Variants in ALMS1 observed in about 807,000 individuals in gnomAD.
The protein encoded by ALMS1 is centrosome-associated protein ALMS1.
ALMS1 carries 271 observed loss-of-function variants against 352.2 expected under a neutral mutation model. The ratio of observed to expected loss-of-function variants is 0.77; its 90% CI spans 0.70 to 0.85. The LOEUF (loss-of-function observed/expected upper bound fraction) is 0.85, where lower values mean the gene tolerates loss of function less well. Ranked by LOEUF, ALMS1 falls within the 40% of genes least tolerant of loss-of-function variation. ALMS1 has a pLI of 0.00. For synonymous variants in ALMS1, 1,865 were observed against 1,761.2 expected (o/e 1.06, Z -1.48); for missense variants, 5,445 against 4,870.7 (o/e 1.12, Z -3.51).
intron 7 of ALMS1, among the ~76,000 whole-genome samples, chr2:73,441,712 G>A (rs1671722921): frequency 6.6e-6 from 1 of 152,110 alleles, no homozygotes; most frequent in African/African-American, 2.4e-5. Flanking sequence ...AACTAAGGAA[G>A]TCATTGCCAT....
chr2:73,394,979 C>CATATATATGTGTAT lies in ALMS1; in HGVS notation c.324+8808_324+8821dup, dbSNP rs202207463. On this transcript the variant is annotated intron_variant, in intron 1 of 22. Coordinates refer to ENST00000613296, the MANE Select transcript of ALMS1 (RefSeq NM_001378454.1). ...GGTATAGTAAAAATATGGTATTTTA[C>CATATATATGTGTAT]ATATATATGTGTATATATATATGTG... Among the ~76,000 whole-genome samples the CATATATATGTGTAT allele has an allele frequency of 5.1e-5, 6 of 117,510 alleles. No homozygotes were observed. In the East Asian group the frequency reaches 8.7e-4, roughly 17 times the overall value. The allele number at this position is 117,510 out of a possible 152,430, so 77.1% of individuals were successfully genotyped here. A position where few individuals can be genotyped will look rare whatever the true frequency, so the allele number is the denominator to read the frequency against.
intron 9 of ALMS1, chr2:73,459,080 T>C (rs892938360): frequency 2.6e-5 from 4 of 152,216 alleles, no homozygotes; most frequent in African/African-American, 9.6e-5. Flanking sequence ...TTTTTTTTAG[T>C]ATAGGGTGTT....
In ALMS1 at chr2:73,490,255, C is replaced by T; in HGVS notation, c.8296C>T (p.Gln2766Ter). Residue 2766 changes from glutamine to a stop codon, truncating the protein, a stop_gained, in exon 10 of 23, where the codon CAG becomes TAG. Coordinates refer to ENST00000613296, the MANE Select transcript of ALMS1 (RefSeq NM_001378454.1). LOFTEE classifies it high-confidence loss of function. ...EEQNPPRDLKQKTSSPSSFKM... is the reference protein window; with the variant it reads ...EEQNPPRDLK ...ACAAAATCCTCCCAGAGATCTTAAA[C>T]AGAAAACCTCTTCCCCTTCATCATT... 6.2e-7 allele frequency: 1 copy of T among 1,614,084 alleles called. No individual in the cohort carries two copies. The highest frequency in any genetic ancestry group is 1.3e-5 in the African/African-American group (1 of 75,034).
In ALMS1 at chr2:73,492,970, A is replaced by T. The variant is rs1397161875; in HGVS notation, c.9539+1472A>T. On this transcript the variant is annotated intron_variant, in intron 10 of 22. Transcript: ENST00000613296. The stretch of plus-strand genomic sequence containing the variant: ...CAAGGCTGGTCAGTATTGATACTTA[A>T]AAAAAAAAAAAAAAGTTTAGAAATT... 4.7e-5 allele frequency among the ~76,000 whole-genome samples: 3 copies of T among 63,292 alleles called. No individual in the cohort carries two copies. The African/African-American group carries it at 1.3e-3, about 27-fold the overall frequency. 41.5% of individuals were successfully genotyped at this position (63,292 alleles called of 152,430 possible).
At chr2:73,464,933 A>C (rs1363863310) in intron 9 of ALMS1, among the ~76,000 whole-genome samples, 1 of 152,236 alleles carries the variant, frequency 6.6e-6, no homozygotes, top group Non-Finnish European at 1.5e-5. Context: ...CCACTGCTCA[A>C]TGAAATAAAA....
At chr2:73,559,521 A>G (rs1167741819) in intron 15 of ALMS1, among the ~76,000 whole-genome samples, 1 of 152,174 alleles carries the variant, frequency 6.6e-6, no homozygotes, top group Admixed American at 6.5e-5. Context: ...TTAAAAAATT[A>G]CAATAAAATC....
In ALMS1 at chr2:73,609,677, A is replaced by G; in HGVS notation, c.*65A>G. The G allele has an allele frequency of 6.7e-7, 1 of 1,484,430 alleles. No individual in the cohort carries two copies. Among genetic ancestry groups the G allele is most frequent in the Non-Finnish European group, 9.4e-7 (1 of 1,062,170 alleles). The allele number at this position is 1,484,430 out of a possible 1,614,324, so 92.0% of individuals were successfully genotyped here. ...ATGAACCTAGAGAAGCAGAATCCTT[A>G]CTTTTGTGAGTCTGGTTGAATAAAG... On this transcript the variant is annotated 3_prime_UTR_variant, in exon 23 of 23. Transcript: ENST00000613296.
chr2:73,511,369 G>A (rs1239467102), intron 10 of ALMS1, among the ~76,000 whole-genome samples: 1 of 152,150 alleles, frequency 6.6e-6, no homozygotes, highest in East Asian at 1.9e-4. Context: ...TGTGGGAAAA[G>A]CCTAGTATCT....
chr2:73,510,833 T>C (rs1355348306), intron 10 of ALMS1, among the ~76,000 whole-genome samples: 1 of 152,114 alleles, frequency 6.6e-6, no homozygotes, highest in Non-Finnish European at 1.5e-5. Context: ...TTCCCCCAGG[T>C]GCTCTGTCCC....
At chr2:73,569,510 G>A (rs1241636260) in intron 15 of ALMS1, among the ~76,000 whole-genome samples, 1 of 151,986 alleles carries the variant, frequency 6.6e-6, no homozygotes, top group Non-Finnish European at 1.5e-5. Flanking sequence ...TGTTGCCAAG[G>A]TATCCTTCCT....
At chr2:73,436,255 T>G (rs1160572135) in intron 7 of ALMS1, among the ~76,000 whole-genome samples, 1 of 152,226 alleles carries the variant, frequency 6.6e-6, no homozygotes, top group Non-Finnish European at 1.5e-5. Context: ...AGCTGTTATC[T>G]TATTCATGTT....
At chr2:73,496,142 T>A (rs549330784) in intron 10 of ALMS1, among the ~76,000 whole-genome samples, 4 of 152,242 alleles carry the variant, frequency 2.6e-5, no homozygotes, top group African/African-American at 9.6e-5. Context: ...TCCGTACTTA[T>A]AAATTTCACT....
At chr2:73,472,966 A>G (rs78278157) in intron 9 of ALMS1, among the ~76,000 whole-genome samples, 9,197 of 152,122 alleles carry the variant, frequency 0.06, 684 homozygotes, top group African/African-American at 0.16. Context: ...AATTAGGACA[A>G]TGAATAGGTA....
chr2:73,484,974 T>C (rs924878114), intron 9 of ALMS1, among the ~76,000 whole-genome samples: 12 of 152,136 alleles, frequency 7.9e-5, no homozygotes, highest in Non-Finnish European at 1.5e-4. Context: ...TTACACATTC[T>C]TCTAAATTTT....
At chr2:73,558,438 CTT>C (rs995735092) in intron 14 of ALMS1, among the ~76,000 whole-genome samples, 5 of 152,136 alleles carry the variant, frequency 3.3e-5, no homozygotes, top group African/African-American at 1.2e-4. Flanking sequence ...TAATCAAAAA[CTT>C]TAGTGTTTCA....
intron 8 of ALMS1, among the ~76,000 whole-genome samples, 196 bp from the exon 9 acceptor site, chr2:73,454,966 T>C (rs1026533272): frequency 6.6e-6 from 1 of 152,244 alleles, no homozygotes. Flanking sequence ...CTATAGAGCA[T>C]GACTTAAGAA....
At chr2:73,535,278 T>G (rs1165975733) in intron 12 of ALMS1, among the ~76,000 whole-genome samples, 4 of 152,204 alleles carry the variant, frequency 2.6e-5, no homozygotes, top group Non-Finnish European at 5.9e-5. Context: ...TAATAAGCAA[T>G]TATTTTTTTC....
At position 73,428,166 on chromosome 2, in the gene ALMS1, C is replaced by T. The variant is rs943472546; in HGVS notation, c.1338+1613C>T. On this transcript the variant is annotated intron_variant, in intron 6 of 22. Transcript: ENST00000613296. ...TAACACTTTGTGCTCAAGTACTGTGCTAAGAGGTTACATGTATATATCAAT... is the reference window on the plus strand; with the variant it reads ...TAACACTTTGTGCTCAAGTACTGTGTTAAGAGGTTACATGTATATATCAAT... 2.6e-5 allele frequency among the ~76,000 whole-genome samples: 4 copies of T among 152,098 alleles called. No individual in the cohort carries two copies. In the East Asian group the frequency reaches 7.7e-4, roughly 29 times the overall value.
At chr2:73,563,989 T>TA (rs1275398233) in intron 15 of ALMS1, among the ~76,000 whole-genome samples, 1 of 151,872 alleles carries the variant, frequency 6.6e-6, no homozygotes, top group Non-Finnish European at 1.5e-5. Flanking sequence ...AAGTGAAGTT[T>TA]AAAAACACCT....
Sources: allele counts gnomAD v4.1 joint callset (sites outside exome capture counted in the v4.1 genomes callset), GRCh38; gene constraint gnomAD v4.1.1; transcripts MANE v1.5; gene names NCBI Gene and HGNC (gene_info 2026-07-23, HGNC 2026-07-21).